The following CFAP47 variants were observed in gnomAD, a reference collection of about 807,000 sequenced individuals.
CFAP47 encodes cilia and flagella associated protein 47.
Under a neutral mutation model 148.1 loss-of-function variants are expected in CFAP47, and 29 were observed. That is an observed-to-expected ratio of 0.20 (90% CI 0.15 to 0.27). The LOEUF (loss-of-function observed/expected upper bound fraction) is 0.27. CFAP47 is among the 10% of genes least tolerant of loss of function. CFAP47 has a pLI of 1.00. For missense variants in CFAP47, 1,872 were observed against 1,697.5 expected (o/e 1.10, Z -1.81); for synonymous variants, 664 against 577.3 (o/e 1.15, Z -2.15).
intron 33 of CFAP47, among the ~76,000 whole-genome samples, chrX:36,135,112 A>G (rs373101681): frequency 9.9e-5 from 11 of 110,666 alleles, no homozygotes; most frequent in African/African-American, 3.3e-4. Flanking sequence ...TAAGAATGAT[A>G]CAATGGACTT....
At chrX:36,092,107 A>G (rs1168540682) in intron 30 of CFAP47, among the ~76,000 whole-genome samples, 1 of 111,639 alleles carries the variant, frequency 9.0e-6, no homozygotes, top group Non-Finnish European at 1.9e-5. Context: ...AAAAAAGTAT[A>G]TATAAAAACA....
rs781883411 is a variant in CFAP47 at position 36,284,778 on chromosome X, C to T, written c.7589-851C>T. On this transcript the variant is annotated intron_variant, in intron 50 of 63. Coordinates refer to ENST00000378653, the MANE Select transcript of CFAP47 (RefSeq NM_001304548.2). ...AATAAGTTAATCTAGCATAACAGTT[C>T]TTGAAATCTTTTAAACATGACAATA... Among the ~76,000 whole-genome samples, 23 of 111,497 alleles carry T rather than the reference C, an allele frequency of 2.1e-4. 1 individual carries two copies. Among genetic ancestry groups the T allele is most frequent in the South Asian group, 1.1e-3 (3 of 2,715 alleles).
chrX:36,371,854 GTGTGCATATACACACA>G (rs1556021832), intron 62 of CFAP47, among the ~76,000 whole-genome samples: 4 of 70,780 alleles, frequency 5.7e-5, no homozygotes, highest in South Asian at 8.2e-4. Flanking sequence ...GTGTATATAT[GTGTGCATATACACACA>G]TGTGTATATA....
intron 56 of CFAP47, among the ~76,000 whole-genome samples, chrX:36,315,409 C>G (rs1255494574): frequency 8.9e-6 from 1 of 112,091 alleles, no homozygotes; most frequent in Non-Finnish European, 1.9e-5. Flanking sequence ...ACAATTTGCA[C>G]ATGAGGGTGT....
chrX:36,305,843 A>G lies in CFAP47; in HGVS notation c.8083-929A>G, dbSNP rs1231782768. ...AACTGATAATCCTGAAACATTCAAG[A>G]TATCAGAGAGCAAGCCAGCCTGAGA... On this transcript the variant is annotated intron_variant, in intron 54 of 63. Coordinates refer to ENST00000378653, the MANE Select transcript of CFAP47 (RefSeq NM_001304548.2). Among the ~76,000 whole-genome samples, 3 of 111,959 alleles carry G rather than the reference A, an allele frequency of 2.7e-5. No homozygotes were observed. In the Admixed American group the frequency reaches 2.9e-4, roughly 11 times the overall value.
chrX:36,373,017 C>CT (rs781922910), intron 62 of CFAP47, among the ~76,000 whole-genome samples: 193 of 111,398 alleles, frequency 1.7e-3, no homozygotes, highest in African/African-American at 6.2e-3. Context: ...CAGCTTTTCT[C>CT]TTTTTGCTCA....
chrX:36,165,975 G>T (rs1357929020), intron 39 of CFAP47, among the ~76,000 whole-genome samples: 1 of 111,240 alleles, frequency 9.0e-6, no homozygotes, highest in African/African-American at 3.3e-5. Context: ...AGATACCGGG[G>T]TTAGGGCTTC....
chrX:36,059,577 A>G (rs891571553), intron 26 of CFAP47, among the ~76,000 whole-genome samples: 7 of 112,178 alleles, frequency 6.2e-5, no homozygotes, highest in African/African-American at 2.3e-4. Context: ...CTACTCTTTG[A>G]GGTAAAGACA....
chrX:36,273,165 G>T (rs1556002137), intron 49 of CFAP47, among the ~76,000 whole-genome samples: 2 of 111,161 alleles, frequency 1.8e-5, no homozygotes, highest in Admixed American at 1.9e-4. Flanking sequence ...ATTTTCAAAG[G>T]AAAACCCATT....
At chrX:36,196,426 C>T (rs1349453149) in intron 42 of CFAP47, among the ~76,000 whole-genome samples, 4 of 111,088 alleles carry the variant, frequency 3.6e-5, no homozygotes, top group Admixed American at 1.9e-4. Context: ...AGAATAAATA[C>T]GATTTAATAC....
intron 57 of CFAP47, among the ~76,000 whole-genome samples, chrX:36,335,851 T>C (rs1481140237): frequency 9.0e-6 from 1 of 111,586 alleles, no homozygotes; most frequent in Non-Finnish European, 1.9e-5. Context: ...TCATTGGAGA[T>C]AATTGGGTAA....
intron 35 of CFAP47, among the ~76,000 whole-genome samples, chrX:36,142,663 ATGTC>A (rs766720813): frequency 8.9e-6 from 1 of 111,796 alleles, no homozygotes; most frequent in Admixed American, 9.6e-5. Flanking sequence ...TTTCAGTATA[ATGTC>A]TTATTAAATA....
At chrX:36,371,521 GTGTGTATATATA>G (rs1441728037) in intron 62 of CFAP47, among the ~76,000 whole-genome samples, 31 of 98,705 alleles carry the variant, frequency 3.1e-4, no homozygotes, top group Admixed American at 3.0e-3. Flanking sequence ...GTATATATAT[GTGTGTATATATA>G]TGTGTATACA....
chrX:36,175,554 G>A (rs1219021267), intron 39 of CFAP47, among the ~76,000 whole-genome samples: 1 of 111,453 alleles, frequency 9.0e-6, no homozygotes, highest in Non-Finnish European at 1.9e-5. Flanking sequence ...TGGAGTACCC[G>A]GCCGTGTGAA....
chrX:36,255,410 A>T (rs944575129), intron 49 of CFAP47, among the ~76,000 whole-genome samples: 2 of 112,743 alleles, frequency 1.8e-5, no homozygotes, highest in Non-Finnish European at 3.7e-5. Flanking sequence ...CAGCCAACTC[A>T]TTAAGGCTCC....
intron 46 of CFAP47, among the ~76,000 whole-genome samples, chrX:36,230,266 G>T (rs1237551955): frequency 9.5e-6 from 1 of 104,838 alleles, no homozygotes; most frequent in Admixed American, 1.0e-4. Flanking sequence ...ATCCTCTCCA[G>T]CACCTGTTGT....
chrX:36,071,221 A>G (rs1438348061), intron 27 of CFAP47, among the ~76,000 whole-genome samples: 1 of 112,386 alleles, frequency 8.9e-6, no homozygotes, highest in Non-Finnish European at 1.9e-5. Flanking sequence ...TTGCATATGT[A>G]TTTTGAGGCT....
At chrX:36,218,184 G>GA (rs1555990376) in intron 45 of CFAP47, among the ~76,000 whole-genome samples, 1 of 112,476 alleles carries the variant, frequency 8.9e-6, no homozygotes, top group Non-Finnish European at 1.9e-5. Context: ...ATGGTATTCA[G>GA]AAATGAAAAT....
chrX:36,117,591 T>G (rs1938663621), intron 33 of CFAP47, among the ~76,000 whole-genome samples: 1 of 112,332 alleles, frequency 8.9e-6, no homozygotes, highest in South Asian at 3.7e-4. Flanking sequence ...TTGATTGGAT[T>G]ATTCCATTTT....
Sources: allele counts gnomAD v4.1 joint callset (sites outside exome capture counted in the v4.1 genomes callset), GRCh38; gene constraint gnomAD v4.1.1; transcripts MANE v1.5; gene names NCBI Gene and HGNC (gene_info 2026-07-23, HGNC 2026-07-21).